The following SYNDIG1 variants were observed in gnomAD, a reference collection of about 807,000 sequenced individuals.
SYNDIG1 encodes synapse differentiation inducing 1.
Under a neutral mutation model 19.4 loss-of-function variants are expected in SYNDIG1, and 9 were observed. The ratio of observed to expected loss-of-function variants is 0.46; its 90% CI spans 0.28 to 0.81. SYNDIG1 has a LOEUF of 0.81. SYNDIG1 is among the 30% of genes least tolerant of loss of function. The pLI is 0.12. For synonymous variants in SYNDIG1, 141 were observed against 145.9 expected, an observed-to-expected ratio of 0.97 and a Z score of 0.24; for missense variants, 311 against 343.3, an observed-to-expected ratio of 0.91 and a Z score of 0.74.
intron 3 of SYNDIG1, among the ~76,000 whole-genome samples, chr20:24,597,368 A>T (rs1272756280): frequency 6.6e-6 from 1 of 152,142 alleles, no homozygotes; most frequent in African/African-American, 2.4e-5. Context: ...TGGCTGCCTT[A>T]TCCCGTCTTG....
chr20:24,662,497 C>A (rs2059613411), intron 3 of SYNDIG1, among the ~76,000 whole-genome samples: 1 of 152,146 alleles, frequency 6.6e-6, no homozygotes, highest in Non-Finnish European at 1.5e-5. Flanking sequence ...GCAGCCAGCC[C>A]TGCCGATGGA....
intron 1 of SYNDIG1, among the ~76,000 whole-genome samples, chr20:24,512,125 A>ATATG (rs2056758110): frequency 1.6e-5 from 2 of 125,958 alleles, no homozygotes; most frequent in Admixed American, 1.6e-4. Context: ...ATATATATAT[A>ATATG]TATATATATA....
At chr20:24,626,219 A>ACT (rs1555811937) in intron 3 of SYNDIG1, among the ~76,000 whole-genome samples, 3 of 98,068 alleles carry the variant, frequency 3.1e-5, no homozygotes. Flanking sequence ...GCGGGGGCTG[A>ACT]CCCCCACCTC....
intron 3 of SYNDIG1, among the ~76,000 whole-genome samples, chr20:24,616,370 A>C (rs771355835): frequency 3.9e-5 from 6 of 152,166 alleles, no homozygotes; most frequent in Non-Finnish European, 5.9e-5. Context: ...CCTTTCACCA[A>C]GGCCTTTCCA....
chr20:24,537,529 TAC>T, intron 1 of SYNDIG1, among the ~76,000 whole-genome samples: 1 of 152,104 alleles, frequency 6.6e-6, no homozygotes, highest in Admixed American at 6.5e-5. Context: ...CTGTATGGTA[TAC>T]AGCACACCTT....
chr20:24,489,519 A>G (rs937378785), intron 1 of SYNDIG1, among the ~76,000 whole-genome samples: 1 of 151,920 alleles, frequency 6.6e-6, no homozygotes. Flanking sequence ...ATACATGCAC[A>G]CACACGTACA....
intron 3 of SYNDIG1, among the ~76,000 whole-genome samples, chr20:24,631,461 G>A (rs928725832): frequency 6.6e-6 from 1 of 152,210 alleles, no homozygotes; most frequent in Non-Finnish European, 1.5e-5. Flanking sequence ...AACACTGTCA[G>A]CCACACATCA....
chr20:24,524,751 G>A (rs1013428442), intron 1 of SYNDIG1, among the ~76,000 whole-genome samples: 1 of 152,146 alleles, frequency 6.6e-6, no homozygotes, highest in African/African-American at 2.4e-5. Context: ...GTCTTGGAGA[G>A]AGGGGAAGAG....
intron 2 of SYNDIG1, among the ~76,000 whole-genome samples, chr20:24,572,486 A>G (rs943537575): frequency 1.3e-5 from 2 of 152,190 alleles, no homozygotes; most frequent in Non-Finnish European, 2.9e-5. Flanking sequence ...AGGGCTGGTG[A>G]CTTTGGCCAC....
At chr20:24,479,301 C>T (rs1243845251) in intron 1 of SYNDIG1, among the ~76,000 whole-genome samples, 1 of 152,134 alleles carries the variant, frequency 6.6e-6, no homozygotes, top group Non-Finnish European at 1.5e-5. Flanking sequence ...CCTCACCCTC[C>T]TTGGATTCCG....
intron 3 of SYNDIG1, among the ~76,000 whole-genome samples, chr20:24,662,323 T>A (rs1264448752): frequency 6.6e-6 from 1 of 152,032 alleles, no homozygotes; most frequent in African/African-American, 2.4e-5. Context: ...AATTTAAAAA[T>A]CGGGTCTTCT....
intron 3 of SYNDIG1, among the ~76,000 whole-genome samples, chr20:24,657,095 C>T (rs905995952): frequency 6.6e-6 from 1 of 152,162 alleles, no homozygotes; most frequent in Non-Finnish European, 1.5e-5. Context: ...TAGATGCTGG[C>T]GCCATGTTTC....
intron 1 of SYNDIG1, among the ~76,000 whole-genome samples, chr20:24,471,181 C>G (rs578214387): frequency 7.9e-5 from 12 of 152,160 alleles, no homozygotes; most frequent in Admixed American, 3.3e-4. Flanking sequence ...GCCAACTTCT[C>G]CGTGCTAGGC....
chr20:24,528,864 A>C (rs2057181624), intron 1 of SYNDIG1, among the ~76,000 whole-genome samples: 1 of 152,150 alleles, frequency 6.6e-6, no homozygotes, highest in South Asian at 2.1e-4. Flanking sequence ...GGACATTTGC[A>C]TTTGCTTCTG....
At chr20:24,486,742 T>C (rs904815600) in intron 1 of SYNDIG1, among the ~76,000 whole-genome samples, 1 of 152,086 alleles carries the variant, frequency 6.6e-6, no homozygotes, top group African/African-American at 2.4e-5. Flanking sequence ...CCCCGAAACC[T>C]CCACCTCCCG....
intron 1 of SYNDIG1, among the ~76,000 whole-genome samples, chr20:24,497,010 C>A (rs1470830420): frequency 6.6e-6 from 1 of 152,094 alleles, no homozygotes; most frequent in Non-Finnish European, 1.5e-5. Flanking sequence ...GTACTAATAC[C>A]ATTTGCTTAA....
chr20:24,473,022 T>C (rs751539041), intron 1 of SYNDIG1, among the ~76,000 whole-genome samples: 2 of 152,190 alleles, frequency 1.3e-5, no homozygotes, highest in African/African-American at 4.8e-5. Flanking sequence ...CACATTGGCC[T>C]TTCAGACCCT....
rs542312928 is a variant in SYNDIG1 at position 24,591,934 on chromosome 20, G to T, written c.618+6941G>T. ...TTCACATTACAAATACCCACATAGGGAAGAACTATAGAAGTCTGATATCCT... is the reference window on the plus strand; with the variant it reads ...TTCACATTACAAATACCCACATAGGTAAGAACTATAGAAGTCTGATATCCT... On this transcript the variant is annotated intron_variant, in intron 3 of 3. Transcript: ENST00000376862. 3.3e-4 allele frequency among the ~76,000 whole-genome samples: 51 copies of T among 152,276 alleles called. 1 individual carries two copies. The South Asian group carries it at 9.9e-3, about 30-fold the overall frequency.
intron 2 of SYNDIG1, among the ~76,000 whole-genome samples, chr20:24,581,278 C>T (rs1005623158): frequency 5.3e-5 from 8 of 152,010 alleles, no homozygotes; most frequent in East Asian, 3.9e-4. Context: ...AAAACATAAA[C>T]GACAATGACA....
Sources: gnomAD v4.1 joint callset for allele counts (sites outside exome capture counted in the v4.1 genomes callset) on GRCh38, gnomAD v4.1.1 for gene constraint, MANE v1.5 for transcripts, NCBI Gene and HGNC (gene_info 2026-07-23, HGNC 2026-07-21) for gene names.